SREK1IP1: variants seen among roughly 807,000 people sequenced by gnomAD.
SREK1IP1 encodes SREK1 interacting protein 1.
SREK1IP1 carries 12 observed loss-of-function variants against 22.8 expected under a neutral mutation model. The observed-to-expected ratio is 0.53, with a 90% CI of 0.34 to 0.85. The LOEUF (loss-of-function observed/expected upper bound fraction) is 0.85, where lower values mean the gene tolerates loss of function less well. SREK1IP1 is among the 40% of genes least tolerant of loss of function. SREK1IP1 has a pLI of 0.02. For missense variants in SREK1IP1, 147 were observed against 171.8 expected, an observed-to-expected ratio of 0.86 and a Z score of 0.81; for synonymous variants, 53 against 52.7, an observed-to-expected ratio of 1.01 and a Z score of -0.02.
intron 2 of SREK1IP1, among the ~76,000 whole-genome samples, chr5:64,749,103 T>TAAA (rs1420978756): frequency 3.5e-5 from 5 of 142,272 alleles, no homozygotes; most frequent in African/African-American, 1.1e-4. Context: ...ATAATAATAA[T>TAAA]AATAAAAACC....
chr5:64,725,354 T>C (rs116392855), intron 4 of SREK1IP1, among the ~76,000 whole-genome samples: 297 of 152,312 alleles, frequency 1.9e-3, no homozygotes, highest in African/African-American at 6.9e-3. Context: ...ACATTCTACC[T>C]ATACTCAAAC....
intron 1 of SREK1IP1, among the ~76,000 whole-genome samples, chr5:64,762,035 T>C (rs889039278): frequency 2.0e-5 from 3 of 152,234 alleles, no homozygotes; most frequent in African/African-American, 4.8e-5. Context: ...CGCAAAGGAA[T>C]GTCATATTCG....
At chr5:64,744,611 T>C (rs1240329254) in intron 2 of SREK1IP1, among the ~76,000 whole-genome samples, 1 of 152,236 alleles carries the variant, frequency 6.6e-6, no homozygotes, top group African/African-American at 2.4e-5. Context: ...TAGTGGAATA[T>C]CAGCAATGTT....
At position 64,721,856 on chromosome 5, in the gene SREK1IP1, G is replaced by C. The variant is rs1301702204; in HGVS notation, c.*2528C>G. The C allele has an allele frequency of 6.6e-6, 1 of 151,914 alleles. No individual in the cohort carries two copies. Among genetic ancestry groups the C allele is most frequent in the Non-Finnish European group, 1.5e-5 (1 of 67,984 alleles). The allele number at this position is 151,914 out of a possible 1,614,324, so 9.4% of individuals were successfully genotyped here. ...AATATTGCTTGAATTTTAAAATATTGATAATTATATATATTAAACCTTGAA... is the reference window on the plus strand; with the variant it reads ...AATATTGCTTGAATTTTAAAATATTCATAATTATATATATTAAACCTTGAA... On this transcript the variant is annotated 3_prime_UTR_variant, in exon 5 of 5. Transcript: ENST00000513458.
At chr5:64,762,906 G>A (rs961070352) in intron 1 of SREK1IP1, among the ~76,000 whole-genome samples, 23 of 151,138 alleles carry the variant, frequency 1.5e-4, no homozygotes, top group African/African-American at 4.9e-4. Flanking sequence ...CCAAAAATTA[G>A]CCAGGCGTGG....
At chr5:64,752,667 T>C (rs1742770439) in intron 2 of SREK1IP1, among the ~76,000 whole-genome samples, 1 of 152,208 alleles carries the variant, frequency 6.6e-6, no homozygotes, top group Non-Finnish European at 1.5e-5. Flanking sequence ...AGAGAGAGAA[T>C]ATTCTTTTGT....
In SREK1IP1 at chr5:64,721,439, T is replaced by C. The variant is rs1025601835; in HGVS notation, c.*2945A>G. 4.0e-5 allele frequency: 6 copies of C among 151,270 alleles called. No individual in the cohort carries two copies. The highest frequency in any genetic ancestry group is 8.9e-5 in the Non-Finnish European group (6 of 67,568). 9.4% of individuals were successfully genotyped at this position (151,270 alleles called of 1,614,324 possible). On this transcript the variant is annotated 3_prime_UTR_variant, in exon 5 of 5. Transcript: ENST00000513458. The stretch of plus-strand genomic sequence containing the variant: ...ATATAATTTTAGATACAGTTGTAAA[T>C]ACAAACACATATAGTTGTTTTACTT...
chr5:64,720,071 A>G lies in SREK1IP1; in HGVS notation c.*4313T>C, dbSNP rs1453791960. ...TGAAGCAGTTGTGCTTCACAGGTTA[A>G]GCCAAATTTTAAAAGCAAGGGGCCT... On this transcript the variant is annotated 3_prime_UTR_variant, in exon 5 of 5. Coordinates refer to ENST00000513458, the MANE Select transcript of SREK1IP1 (RefSeq NM_173829.4). 1.3e-5 allele frequency: 2 copies of G among 152,224 alleles called. No individual in the cohort carries two copies. Among genetic ancestry groups the G allele is most frequent in the Admixed American group, 1.3e-4 (2 of 15,276 alleles). The allele number at this position is 152,224 out of a possible 1,614,324, so 9.4% of individuals were successfully genotyped here.
At chr5:64,733,925 A>C (rs1742417337) in intron 3 of SREK1IP1, among the ~76,000 whole-genome samples, 2 of 152,144 alleles carry the variant, frequency 1.3e-5, no homozygotes, top group Admixed American at 1.3e-4. Flanking sequence ...CAATATTATA[A>C]AAATAGAGAG....
At chr5:64,743,780 C>A (rs557787028) in intron 2 of SREK1IP1, among the ~76,000 whole-genome samples, 19 of 151,968 alleles carry the variant, frequency 1.3e-4, no homozygotes, top group Non-Finnish European at 2.2e-4. Context: ...CGTGAGTTTC[C>A]ACTTATCACC....
chr5:64,752,144 G>GATTTTTTTTTTTTTTT (rs1554065460), intron 2 of SREK1IP1, among the ~76,000 whole-genome samples: 1 of 85,476 alleles, frequency 1.2e-5, no homozygotes, highest in Admixed American at 1.3e-4. Context: ...TTTTTTTTGT[G>GATTTTTTTTTTTTTTT]TGTTTTTTTT....
At chr5:64,762,397 C>T (rs1742965479) in intron 1 of SREK1IP1, among the ~76,000 whole-genome samples, 1 of 152,040 alleles carries the variant, frequency 6.6e-6, no homozygotes, top group South Asian at 2.1e-4. Flanking sequence ...GTTTTAGTTA[C>T]AATCGGGGAA....
intron 3 of SREK1IP1, among the ~76,000 whole-genome samples, chr5:64,730,287 C>T (rs1047435026): frequency 1.3e-5 from 2 of 152,022 alleles, no homozygotes; most frequent in African/African-American, 4.8e-5. Flanking sequence ...AAGACCTTGA[C>T]AAGTGGACTG....
At chr5:64,766,165 T>C (rs73099507) in intron 1 of SREK1IP1, among the ~76,000 whole-genome samples, 7,681 of 152,292 alleles carry the variant, frequency 0.05, 552 homozygotes, top group African/African-American at 0.16. Flanking sequence ...ATCATTGTCT[T>C]TGACTCTGAC....
chr5:64,741,297 A>C, intron 2 of SREK1IP1, 97 bp from the exon 3 acceptor site: 1 of 1,099,694 alleles, frequency 9.1e-7, no homozygotes, highest in Non-Finnish European at 1.3e-6. Context: ...AGTAAGTTAC[A>C]ATTTCAATAA....
intron 2 of SREK1IP1, 88 bp downstream of exon 2, chr5:64,754,227 T>G (rs1742797691): frequency 1.5e-6 from 2 of 1,311,656 alleles, no homozygotes; most frequent in Non-Finnish European, 2.2e-6. Context: ...ACTGGGCCCC[T>G]GAAATCAGGG....
rs377739374 is a variant in SREK1IP1, at chr5:64,740,826, C to A, written c.205+231G>T. On this transcript the variant is annotated intron_variant, in intron 3 of 4. Coordinates refer to ENST00000513458, the MANE Select transcript of SREK1IP1 (RefSeq NM_173829.4). ...ATATCCTAATGTGATGGGGGAAAAA[C>A]AACAACAAAAAACATAAGCTGTGTG... is the stretch of plus-strand genomic sequence containing the variant. Among the ~76,000 whole-genome samples, 18 of 152,148 alleles carry A rather than the reference C, an allele frequency of 1.2e-4. No individual in the cohort carries two copies. The East Asian group carries it at 3.3e-3, about 28-fold the overall frequency.
intron 1 of SREK1IP1, among the ~76,000 whole-genome samples, chr5:64,765,527 C>T (rs1743019263): frequency 6.6e-6 from 1 of 152,122 alleles, no homozygotes; most frequent in Non-Finnish European, 1.5e-5. Context: ...CTGTCTGGAT[C>T]GATCATCTAA....
chr5:64,741,443 G>T (rs1329379311), intron 2 of SREK1IP1, among the ~76,000 whole-genome samples: 5 of 152,014 alleles, frequency 3.3e-5, no homozygotes, highest in South Asian at 2.1e-4. Context: ...AAGCATTTTT[G>T]GGGGCCACTT....
Sources: allele counts gnomAD v4.1 joint callset (sites outside exome capture counted in the v4.1 genomes callset), GRCh38; gene constraint gnomAD v4.1.1; transcripts MANE v1.5; gene names NCBI Gene and HGNC (gene_info 2026-07-23, HGNC 2026-07-21).